Variants in ZFYVE28 observed in about 807,000 individuals in gnomAD.
ZFYVE28 encodes lateral signaling target protein 2 homolog.
Under a neutral mutation model 82.1 loss-of-function variants are expected in ZFYVE28, and 40 were observed. The ratio of observed to expected loss-of-function variants is 0.49; its 90% CI spans 0.38 to 0.63. The LOEUF is 0.63. Among genes scored for constraint, ZFYVE28 ranks in the 30% least tolerant of loss-of-function variants. The pLI, the probability that ZFYVE28 is intolerant of heterozygous loss-of-function variation, is 0.00. For missense variants in ZFYVE28, 1,321 were observed against 1,242.1 expected, an observed-to-expected ratio of 1.06 and a Z score of -0.96; for synonymous variants, 612 against 546.1, an observed-to-expected ratio of 1.12 and a Z score of -1.68.
chr4:2,311,432 A>G (rs569532420), intron 7 of ZFYVE28, among the ~76,000 whole-genome samples: 6 of 152,250 alleles, frequency 3.9e-5, no homozygotes, highest in Admixed American at 1.3e-4. Flanking sequence ...AGGCTGAGGC[A>G]GAAGAATTGT....
intron 8 of ZFYVE28, among the ~76,000 whole-genome samples, chr4:2,292,313 G>C (rs1270036066): frequency 1.3e-5 from 2 of 152,246 alleles, no homozygotes; most frequent in Non-Finnish European, 2.9e-5. Context: ...CGTCCAGGCA[G>C]CCATGGGCTG....
In ZFYVE28 at chr4:2,301,236, T is replaced by C. The variant is rs150571904; in HGVS notation, c.2051+3053A>G. 9.2e-3 allele frequency among the ~76,000 whole-genome samples: 1,408 copies of C among 152,268 alleles called. 24 individuals are homozygous for C. Among genetic ancestry groups the C allele is most frequent in the African/African-American group, 0.033 (1,365 of 41,546 alleles). On this transcript the variant is annotated intron_variant, in intron 8 of 12. Transcript: ENST00000290974. Reference sequence around the variant, plus strand: ...TTGGCCCAGCCACCCCGGAACATGCTTGAGACACAGATGAGTGGGGGAATG... The same window carrying C: ...TTGGCCCAGCCACCCCGGAACATGCCTGAGACACAGATGAGTGGGGGAATG...
chr4:2,366,440 T>A (rs1726896903), intron 1 of ZFYVE28, among the ~76,000 whole-genome samples: 1 of 152,030 alleles, frequency 6.6e-6, no homozygotes, highest in Admixed American at 6.5e-5. Flanking sequence ...CCCCAACAAA[T>A]CAGTTCCCTG....
chr4:2,385,869 G>A (rs1030294979), intron 1 of ZFYVE28, among the ~76,000 whole-genome samples: 8 of 152,210 alleles, frequency 5.3e-5, no homozygotes, highest in Non-Finnish European at 8.8e-5. Context: ...CTGGTTCTCC[G>A]GGAAGTTAAA....
At chr4:2,401,530 C>T (rs980444246) in intron 1 of ZFYVE28, among the ~76,000 whole-genome samples, 2 of 152,208 alleles carry the variant, frequency 1.3e-5, no homozygotes, top group African/African-American at 4.8e-5. Flanking sequence ...GACGGTGCTA[C>T]CTGCCCCACC....
At chr4:2,355,253 T>A (rs1725115159) in intron 1 of ZFYVE28, among the ~76,000 whole-genome samples, 1 of 42,962 alleles carries the variant, frequency 2.3e-5, no homozygotes, top group African/African-American at 8.9e-5. Context: ...TATATATATA[T>A]ATATATATAT....
intron 7 of ZFYVE28, among the ~76,000 whole-genome samples, chr4:2,314,576 T>C (rs957991323): frequency 6.6e-6 from 1 of 152,230 alleles, no homozygotes; most frequent in East Asian, 1.9e-4. Context: ...ATAGTGATCC[T>C]TGACTGATCA....
intron 1 of ZFYVE28, among the ~76,000 whole-genome samples, chr4:2,413,315 C>G (rs777379699): frequency 2.6e-5 from 4 of 152,264 alleles, no homozygotes; most frequent in African/African-American, 9.6e-5. Context: ...ACTGCACTCC[C>G]GCTGACCACA....
intron 1 of ZFYVE28, among the ~76,000 whole-genome samples, chr4:2,373,222 G>A (rs1453809966): frequency 6.6e-6 from 1 of 152,212 alleles, no homozygotes; most frequent in Non-Finnish European, 1.5e-5. Flanking sequence ...TATGAGCTGG[G>A]TGCTGTGGCT....
intron 7 of ZFYVE28, among the ~76,000 whole-genome samples, chr4:2,315,752 G>C (rs1718113452): frequency 6.6e-6 from 1 of 152,098 alleles, no homozygotes; most frequent in African/African-American, 2.4e-5. Context: ...ATATACCCAG[G>C]TATGCTGGTT....
rs1333226973 is a variant in ZFYVE28 at position 2,289,933 on chromosome 4, GCCAGCA to G, written c.2051+14350_2051+14355del. Among the ~76,000 whole-genome samples, 3 of 152,052 alleles carry G rather than the reference GCCAGCA, an allele frequency of 2.0e-5. No individual in the cohort carries two copies. The East Asian group carries it at 5.8e-4, about 29-fold the overall frequency. On this transcript the variant is annotated intron_variant, in intron 8 of 12. Transcript: ENST00000290974. ...ACCCACAGGGGACAGCCAGGCTGTGGCCAGCACTCCTCACCCCAGGGATGCTCTGCA... is the reference window on the plus strand; with the variant it reads ...ACCCACAGGGGACAGCCAGGCTGTGGCTCCTCACCCCAGGGATGCTCTGCA...
At chr4:2,272,053 A>G (rs868704489) in intron 10 of ZFYVE28, among the ~76,000 whole-genome samples, 33 of 152,328 alleles carry the variant, frequency 2.2e-4, no homozygotes, top group Middle Eastern at 3.4e-3. Flanking sequence ...GAGCCCCTGC[A>G]TGGCACGTGT....
chr4:2,361,915 C>T (rs1028970003), intron 1 of ZFYVE28, among the ~76,000 whole-genome samples: 4 of 152,076 alleles, frequency 2.6e-5, no homozygotes, highest in Non-Finnish European at 4.4e-5. Flanking sequence ...AGGCAGGTGG[C>T]GGGACAGATG....
intron 1 of ZFYVE28, among the ~76,000 whole-genome samples, chr4:2,379,324 T>C (rs1728485110): frequency 6.6e-6 from 1 of 152,194 alleles, no homozygotes; most frequent in Non-Finnish European, 1.5e-5. Flanking sequence ...CGGGAGCAGG[T>C]GGGCAGTGCA....
intron 6 of ZFYVE28, among the ~76,000 whole-genome samples, chr4:2,326,212 C>A (rs1271141233): frequency 3.9e-5 from 6 of 152,144 alleles, no homozygotes; most frequent in Admixed American, 3.3e-4. Context: ...GCTCTTTAAT[C>A]CATTTTGAGT....
intron 1 of ZFYVE28, among the ~76,000 whole-genome samples, chr4:2,392,089 G>A (rs1475224803): frequency 1.3e-5 from 2 of 151,680 alleles, no homozygotes; most frequent in Admixed American, 6.6e-5. Context: ...AGCAGGCAGA[G>A]GTTGCAGTGA....
chr4:2,396,063 AG>A (rs1374913793), intron 1 of ZFYVE28, among the ~76,000 whole-genome samples: 2 of 148,176 alleles, frequency 1.3e-5, no homozygotes, highest in African/African-American at 5.0e-5. Flanking sequence ...TATCCTGCAG[AG>A]GGGACCCAAG....
chr4:2,303,943 C>T (rs560159268), intron 8 of ZFYVE28, among the ~76,000 whole-genome samples: 11 of 152,368 alleles, frequency 7.2e-5, no homozygotes, highest in East Asian at 3.9e-4. Context: ...CGCACAGGCA[C>T]GCGGCTCACA....
At chr4:2,336,565 C>A (rs991975141) in intron 5 of ZFYVE28, among the ~76,000 whole-genome samples, 4 of 152,040 alleles carry the variant, frequency 2.6e-5, no homozygotes, top group Non-Finnish European at 5.9e-5. Context: ...TCCCCCTGCC[C>A]CCCCCACTCC....
Sources: allele counts gnomAD v4.1 joint callset (sites outside exome capture counted in the v4.1 genomes callset), GRCh38; gene constraint gnomAD v4.1.1; transcripts MANE v1.5; gene names NCBI Gene and HGNC (gene_info 2026-07-23, HGNC 2026-07-21).